MYCT1: variants seen among roughly 807,000 people sequenced by gnomAD.
MYCT1 encodes myc target protein 1.
Under a neutral mutation model 15.0 loss-of-function variants are expected in MYCT1, and 12 were observed. That is an observed-to-expected ratio of 0.80 (90% CI 0.51 to 1.29). The LOEUF (loss-of-function observed/expected upper bound fraction) is 1.29. Among genes scored for constraint, MYCT1 ranks in the 50% most tolerant of loss-of-function variants. The pLI is 0.00. For missense variants in MYCT1, 287 were observed against 279.1 expected, an observed-to-expected ratio of 1.03 and a Z score of -0.20; for synonymous variants, 104 against 102.7, an observed-to-expected ratio of 1.01 and a Z score of -0.07.
At chr6:152,744,044 G>A in the MYCT1 span, among the ~76,000 whole-genome samples, 64 of 152,238 alleles carry the variant, frequency 4.2e-4, 1 homozygote, top group South Asian at 0.013. Context: ...TCCTTCCCAA[G>A]GCTACTCTAC....
intron 1 of MYCT1, among the ~76,000 whole-genome samples, chr6:152,717,878 T>G (rs899340426): frequency 6.6e-6 from 1 of 152,200 alleles, no homozygotes; most frequent in Non-Finnish European, 1.5e-5. Flanking sequence ...GTAATTTGTA[T>G]AATTTCCGTT....
At chr6:152,720,585 A>C (rs752194664) in intron 1 of MYCT1, among the ~76,000 whole-genome samples, 1 of 152,190 alleles carries the variant, frequency 6.6e-6, no homozygotes, top group Non-Finnish European at 1.5e-5. Flanking sequence ...TTTACTGAAG[A>C]TGTGATACTT....
chr6:152,732,145 T>G, the MYCT1 span, among the ~76,000 whole-genome samples: 1 of 152,226 alleles, frequency 6.6e-6, no homozygotes, highest in Non-Finnish European at 1.5e-5. Context: ...TTTTGTTTTT[T>G]ATATTTGCTT....
intron 1 of MYCT1, among the ~76,000 whole-genome samples, chr6:152,720,517 T>A (rs1048181101): frequency 1.3e-5 from 2 of 152,212 alleles, no homozygotes; most frequent in Non-Finnish European, 2.9e-5. Context: ...CAATTAGATA[T>A]GATAGCTTAC....
the MYCT1 span, among the ~76,000 whole-genome samples, chr6:152,732,697 A>G: frequency 2.2e-4 from 33 of 152,368 alleles, no homozygotes; most frequent in Non-Finnish European, 4.0e-4. Flanking sequence ...TTTATTTATT[A>G]CAGCAAGTGG....
chr6:152,725,133 A>T (rs983320228), downstream of MYCT1, among the ~76,000 whole-genome samples: 3 of 151,338 alleles, frequency 2.0e-5, no homozygotes, highest in Non-Finnish European at 4.4e-5. Context: ...AAAAAAATTT[A>T]AAATTCTGTT....
At chr6:152,726,972 G>A (rs1489727905), downstream of MYCT1, among the ~76,000 whole-genome samples, 7 of 152,092 alleles carry the variant, frequency 4.6e-5, no homozygotes, top group Non-Finnish European at 8.8e-5. Flanking sequence ...GGTGGCTCAT[G>A]CCTGTAATCC....
At chr6:152,741,798 A>G in the MYCT1 span, among the ~76,000 whole-genome samples, 3 of 152,198 alleles carry the variant, frequency 2.0e-5, no homozygotes, top group African/African-American at 7.2e-5. Context: ...AAGGACTAAG[A>G]AAACGACTAT....
At chr6:152,736,244 T>A in the MYCT1 span, among the ~76,000 whole-genome samples, 1 of 152,160 alleles carries the variant, frequency 6.6e-6, no homozygotes, top group Non-Finnish European at 1.5e-5. Flanking sequence ...GTCCTAACAA[T>A]ATTTGAATTT....
chr6:152,705,875 T>A (rs2099722172), intron 1 of MYCT1: 1 of 734,406 alleles, frequency 1.4e-6, no homozygotes, highest in Non-Finnish European at 2.5e-6. Flanking sequence ...GATCTTTGAT[T>A]GTTGAGAAAA....
In MYCT1 at chr6:152,722,918, T is replaced by G. The variant is rs2099724961; in HGVS notation, c.*665T>G. ...CACACCGGGTTGAATTTTTTTTTAA[T>G]TTTAGTAGAGATGAAGTGTCACTAT... On this transcript the variant is annotated 3_prime_UTR_variant, in exon 2 of 2. Transcript: ENST00000367245. 1 of 167,260 alleles carries G rather than the reference T, an allele frequency of 6.0e-6. No individual in the cohort carries two copies. Among genetic ancestry groups the G allele is most frequent in the Non-Finnish European group, 1.3e-5 (1 of 76,756 alleles). The allele number at this position is 167,260 out of a possible 1,614,324, so 10.4% of individuals were successfully genotyped here. A position where few individuals can be genotyped will look rare whatever the true frequency, so the allele number is the denominator to read the frequency against.
chr6:152,742,238 A>T, the MYCT1 span, among the ~76,000 whole-genome samples: 3 of 152,154 alleles, frequency 2.0e-5, no homozygotes, highest in Non-Finnish European at 2.9e-5. Flanking sequence ...CCCAAATTTG[A>T]TGGGAGAATG....
chr6:152,736,807 T>C, the MYCT1 span, among the ~76,000 whole-genome samples: 1 of 152,084 alleles, frequency 6.6e-6, no homozygotes, highest in Non-Finnish European at 1.5e-5. Context: ...TAAAAACATA[T>C]GCTGTAAGAA....
At chr6:152,698,541 A>T (rs2099720801) in intron 1 of MYCT1, among the ~76,000 whole-genome samples, 1 of 152,116 alleles carries the variant, frequency 6.6e-6, no homozygotes, top group African/African-American at 2.4e-5. Flanking sequence ...TTTTCCATAG[A>T]GGCTATTTTC....
chr6:152,698,062 A>G lies in MYCT1; in HGVS notation c.160A>G (p.Thr54Ala), dbSNP rs141640860. 2.5e-4 allele frequency: 399 copies of G among 1,603,802 alleles called. 1 individual carries two copies. In the African/African-American group the frequency reaches 4.7e-3, roughly 19 times the overall value. ...FLVDIMANNTTSLGSPWPENF... is the reference protein window; with the variant it reads ...FLVDIMANNTASLGSPWPENF... The stretch of plus-strand genomic sequence containing the variant: ...TGTGGATATTATGGCTAATAACACA[A>G]CAAGTTTAGGGAGTCCATGGCCAGA... The change falls in exon 1 of 2, where the codon ACA (threonine) becomes GCA (alanine). Residue 54 changes from threonine (T) to alanine (A), a missense_variant. Thr to Ala is a moderately conservative substitution (Grantham distance 58, BLOSUM62 0). Transcript: ENST00000367245.
chr6:152,706,188 TC>T (rs2099722223), intron 1 of MYCT1: 10 of 893,476 alleles, frequency 1.1e-5, no homozygotes, highest in African/African-American at 3.3e-5. Flanking sequence ...AAGGCAGAGT[TC>T]CTCACCAATA....
the MYCT1 span, among the ~76,000 whole-genome samples, chr6:152,743,335 G>A: frequency 1.3e-5 from 2 of 152,076 alleles, no homozygotes; most frequent in Non-Finnish European, 2.9e-5. Flanking sequence ...CAAAGTGCTG[G>A]GATTATAGGC....
the MYCT1 span, among the ~76,000 whole-genome samples, chr6:152,730,727 C>A: frequency 3.9e-5 from 6 of 152,002 alleles, no homozygotes; most frequent in Non-Finnish European, 8.8e-5. Context: ...TACTAGATAC[C>A]ACAATCACCT....
At chr6:152,715,440 C>CA (rs139370521) in intron 1 of MYCT1, among the ~76,000 whole-genome samples, 4 of 151,970 alleles carry the variant, frequency 2.6e-5, no homozygotes, top group African/African-American at 9.7e-5. Context: ...CTACCATTCA[C>CA]AAAAAGGCAT....
Sources: gnomAD v4.1 joint callset for allele counts (sites outside exome capture counted in the v4.1 genomes callset) on GRCh38, gnomAD v4.1.1 for gene constraint, MANE v1.5 for transcripts, NCBI Gene and HGNC (gene_info 2026-07-23, HGNC 2026-07-21) for gene names.